ZNF652: variants seen among roughly 807,000 people sequenced by gnomAD.
ZNF652 encodes the protein zinc finger protein 652.
ZNF652 carries 16 observed loss-of-function variants against 45.2 expected under a neutral mutation model. The observed-to-expected ratio is 0.35, with a 90% CI of 0.24 to 0.54. ZNF652 has a LOEUF of 0.54. Among genes scored for constraint, ZNF652 ranks in the 20% least tolerant of loss-of-function variants. The probability of loss-of-function intolerance (pLI) is 0.91; values close to 1 mark genes in which losing one functional copy is unlikely to be tolerated. For synonymous variants in ZNF652, 250 were observed against 260.6 expected (o/e 0.96, Z 0.39); for missense variants, 614 against 765.6 (o/e 0.80, Z 2.34).
intron 1 of ZNF652, among the ~76,000 whole-genome samples, chr17:49,360,692 T>C (rs557861520): frequency 8.6e-5 from 13 of 151,992 alleles, no homozygotes; most frequent in Non-Finnish European, 1.8e-4. Context: ...ACACATGTTG[T>C]CAACAAAGCA....
chr17:49,319,197 C>T (rs1028156280), intron 1 of ZNF652, among the ~76,000 whole-genome samples: 2 of 152,188 alleles, frequency 1.3e-5, no homozygotes, highest in South Asian at 2.1e-4. Context: ...ACCGTAAACA[C>T]ATACCCTGTC....
intron 1 of ZNF652, among the ~76,000 whole-genome samples, chr17:49,327,730 AATATAT>A (rs68056731): frequency 0.024 from 1,450 of 60,724 alleles, 10 homozygotes; most frequent in Admixed American, 0.036. Flanking sequence ...TAAATAAATA[AATATAT>A]ATATATATAT....
At chr17:49,288,178 G>C (rs1049262804), downstream of ZNF652, among the ~76,000 whole-genome samples, 12 of 151,582 alleles carry the variant, frequency 7.9e-5, no homozygotes, top group Non-Finnish European at 1.6e-4. Flanking sequence ...GTATTGAGTA[G>C]CAAAGTAGTG....
Position 49,346,687 on chromosome 17 carries a change from A to G in ZNF652, c.-259+15222T>C, listed in dbSNP as rs372819537. Among the ~76,000 whole-genome samples, 126 of 152,332 alleles carry G rather than the reference A, an allele frequency of 8.3e-4. No individual in the cohort carries two copies. The South Asian group carries it at 0.023, about 28-fold the overall frequency. ...TATATATGTTATATAATGAAAGCAA[A>G]TATTTGTTTTAGTTTAAAAAGAGGA... On this transcript the variant is annotated intron_variant, in intron 1 of 5. Transcript: ENST00000430262.
At chr17:49,323,606 C>CAA (rs1001881277) in intron 1 of ZNF652, among the ~76,000 whole-genome samples, 1 of 152,114 alleles carries the variant, frequency 6.6e-6, no homozygotes, top group African/African-American at 2.4e-5. Context: ...AGCTATAGTA[C>CAA]AAAATCAATT....
intron 1 of ZNF652, among the ~76,000 whole-genome samples, chr17:49,330,844 A>C (rs994966991): frequency 1.3e-5 from 2 of 151,436 alleles, no homozygotes; most frequent in Admixed American, 1.3e-4. Flanking sequence ...TGAGATTGGG[A>C]GTTCGAGACC....
chr17:49,340,828 G>T (rs2143881037), intron 1 of ZNF652, among the ~76,000 whole-genome samples: 1 of 152,244 alleles, frequency 6.6e-6, no homozygotes, highest in East Asian at 1.9e-4. Flanking sequence ...AGGATAGCTT[G>T]AGCCCAGGAG....
At chr17:49,339,004 G>GA (rs1598308638) in intron 1 of ZNF652, among the ~76,000 whole-genome samples, 1 of 151,930 alleles carries the variant, frequency 6.6e-6, no homozygotes, top group African/African-American at 2.4e-5. Context: ...CCTCCTCTCT[G>GA]AAAAAAACAC....
intron 1 of ZNF652, among the ~76,000 whole-genome samples, chr17:49,350,576 T>C (rs1456569631): frequency 2.0e-5 from 3 of 151,812 alleles, no homozygotes; most frequent in Non-Finnish European, 2.9e-5. Flanking sequence ...AAGAACTTAT[T>C]GCAATAGCAT....
At chr17:49,346,546 C>T (rs544519782) in intron 1 of ZNF652, among the ~76,000 whole-genome samples, 21 of 133,514 alleles carry the variant, frequency 1.6e-4, no homozygotes, top group East Asian at 6.4e-4. Context: ...AGTGAAACTC[C>T]GTCTCAAACA....
chr17:49,315,799 G>A (rs1167890529), intron 2 of ZNF652, among the ~76,000 whole-genome samples: 1 of 152,136 alleles, frequency 6.6e-6, no homozygotes, highest in South Asian at 2.1e-4. Flanking sequence ...GTCACAATTG[G>A]TGAATCAAAA....
At position 49,317,702 on chromosome 17, in the gene ZNF652, A is replaced by G. The variant is rs766462742; in HGVS notation, c.24T>C (p.Cys8=). 1.3e-6 allele frequency: 2 copies of G among 1,596,574 alleles called. No individual in the cohort carries two copies. The highest frequency in any genetic ancestry group is 1.7e-6 in the Non-Finnish European group (2 of 1,166,278). MSHTASS[C]QELVENCAVH... ...CAGCACAGTTTTCAACCAGCTCCTGACAAGAACTGGCTGTGTGGCTCATTG... is the reference window on the plus strand; with the variant it reads ...CAGCACAGTTTTCAACCAGCTCCTGGCAAGAACTGGCTGTGTGGCTCATTG... Residue 8 remains cysteine (C), a synonymous_variant, in exon 2 of 6, where the codon TGT becomes TGC. Coordinates refer to ENST00000430262, the MANE Select transcript of ZNF652 (RefSeq NM_001145365.3).
chr17:49,327,072 T>C (rs1011632259), intron 1 of ZNF652, among the ~76,000 whole-genome samples: 28 of 152,234 alleles, frequency 1.8e-4, no homozygotes, highest in African/African-American at 6.8e-4. Context: ...TGGTAAATTC[T>C]ACTCTGATTT....
At position 49,291,921 on chromosome 17, in the gene ZNF652, C is replaced by CTTGAATT. The variant is rs777311019; in HGVS notation, c.*6485_*6491dup. Among the ~76,000 whole-genome samples, 1 of 152,146 alleles carries CTTGAATT rather than the reference C, an allele frequency of 6.6e-6. No homozygotes were observed. The highest frequency in any genetic ancestry group is 1.5e-5 in the Non-Finnish European group (1 of 68,018). Reference sequence around the variant, plus strand: ...AAATAGCAGTGAAGCCTTCAAAAATCTTGAATTTATTCATCATCAAACATA... The same window carrying CTTGAATT: ...AAATAGCAGTGAAGCCTTCAAAAATCTTGAATTTTGAATTTATTCATCATCAAACATA... On this transcript the variant is annotated 3_prime_UTR_variant, in exon 6 of 6. Coordinates refer to ENST00000430262, the MANE Select transcript of ZNF652 (RefSeq NM_001145365.3).
Position 49,298,341 on chromosome 17 carries a change from C to G in ZNF652, c.*72G>C, listed in dbSNP as rs1416603350. 1.3e-6 allele frequency: 2 copies of G among 1,572,068 alleles called. No homozygotes were observed. The highest frequency in any genetic ancestry group is 1.8e-5 in the Admixed American group (1 of 56,664). On this transcript the variant is annotated 3_prime_UTR_variant, in exon 6 of 6. Transcript: ENST00000430262. ...GGAGAGTCTGAGAACTAAGGAAATG[C>G]TCACCGACTCCCTCTGTGCACGCTC...
intron 5 of ZNF652, among the ~76,000 whole-genome samples, chr17:49,305,212 A>G (rs372961617): frequency 6.6e-6 from 1 of 152,214 alleles, no homozygotes; most frequent in East Asian, 1.9e-4. Context: ...TAAAAAGTTC[A>G]TTCAAACTTG....
At chr17:49,328,061 T>C (rs2069985108) in intron 1 of ZNF652, among the ~76,000 whole-genome samples, 1 of 152,032 alleles carries the variant, frequency 6.6e-6, no homozygotes. Context: ...ATTTTCTGTA[T>C]ATGTACAATG....
intron 2 of ZNF652, among the ~76,000 whole-genome samples, chr17:49,315,765 T>C (rs2069794649): frequency 6.6e-6 from 1 of 152,176 alleles, no homozygotes. Context: ...TCTTCTTTTA[T>C]TTACCCAGCG....
chr17:49,348,720 A>T (rs544704406), intron 1 of ZNF652, among the ~76,000 whole-genome samples: 1 of 152,096 alleles, frequency 6.6e-6, no homozygotes, highest in Admixed American at 6.5e-5. Context: ...TTTATAAATA[A>T]TATGATGTCT....
Sources: allele counts gnomAD v4.1 joint callset (sites outside exome capture counted in the v4.1 genomes callset), GRCh38; gene constraint gnomAD v4.1.1; transcripts MANE v1.5; gene names NCBI Gene and HGNC (gene_info 2026-07-23, HGNC 2026-07-21).